Variants in GPC3 observed in about 807,000 individuals in gnomAD.
GPC3 encodes glypican-3.
GPC3 carries 3 observed loss-of-function variants against 34.4 expected under a neutral mutation model. The observed-to-expected ratio is 0.09, with a 90% confidence interval of 0.04 to 0.23. The LOEUF (loss-of-function observed/expected upper bound fraction) is 0.23, where lower values mean the gene tolerates loss of function less well. Ranked by LOEUF, GPC3 falls within the 10% of genes least tolerant of loss-of-function variation. GPC3 has a pLI of 1.00. For synonymous variants in GPC3, 177 were observed against 174.0 expected, an observed-to-expected ratio of 1.02 and a Z score of -0.13; for missense variants, 351 against 445.6, an observed-to-expected ratio of 0.79 and a Z score of 1.91.
intron 2 of GPC3, among the ~76,000 whole-genome samples, chrX:133,862,260 C>T (rs531146744): frequency 7.2e-5 from 8 of 110,526 alleles, no homozygotes; most frequent in South Asian, 7.7e-4. Context: ...CAGAAAGATG[C>T]GTAAATATGT....
chrX:133,701,206 C>A (rs963017019), intron 3 of GPC3, among the ~76,000 whole-genome samples: 1 of 111,342 alleles, frequency 9.0e-6, no homozygotes, highest in Non-Finnish European at 1.9e-5. Context: ...CTACTTTTTT[C>A]ACTTTCAAGC....
At chrX:133,771,377 G>A (rs752811180) in intron 2 of GPC3, among the ~76,000 whole-genome samples, 7 of 112,459 alleles carry the variant, frequency 6.2e-5, no homozygotes, top group South Asian at 3.7e-4. Context: ...TAATGAGGTC[G>A]TCTGATCCTG....
intron 6 of GPC3, among the ~76,000 whole-genome samples, chrX:133,638,727 G>T (rs768380556): frequency 9.1e-6 from 1 of 109,381 alleles, no homozygotes; most frequent in Non-Finnish European, 1.9e-5. Flanking sequence ...TAAATCAGGG[G>T]TGTACAATCT....
At chrX:133,859,594 G>C (rs2075925766) in intron 2 of GPC3, among the ~76,000 whole-genome samples, 1 of 111,758 alleles carries the variant, frequency 8.9e-6, no homozygotes, top group Admixed American at 9.5e-5. Context: ...ACAAGGACGA[G>C]TCTGGGCAGG....
chrX:133,806,900 G>A (rs1046088320), intron 2 of GPC3, among the ~76,000 whole-genome samples: 5 of 110,964 alleles, frequency 4.5e-5, no homozygotes, highest in African/African-American at 1.3e-4. Flanking sequence ...CATCCACCTC[G>A]GCCTCCCAAA....
chrX:133,956,442 G>A (rs1373885117), intron 1 of GPC3, among the ~76,000 whole-genome samples: 1 of 111,438 alleles, frequency 9.0e-6, no homozygotes, highest in Non-Finnish European at 1.9e-5. Context: ...AGTCTCCTTG[G>A]GTAAGAGTAG....
chrX:133,579,070 G>A (rs1003630742), intron 7 of GPC3, among the ~76,000 whole-genome samples: 14 of 111,039 alleles, frequency 1.3e-4, no homozygotes, highest in South Asian at 3.9e-4. Flanking sequence ...CAGAACCACC[G>A]TGCTCTTTCT....
intron 7 of GPC3, among the ~76,000 whole-genome samples, chrX:133,574,349 GAA>G (rs756970000): frequency 2.3e-4 from 25 of 108,228 alleles, no homozygotes; most frequent in African/African-American, 4.0e-4. Context: ...AAGCTATTGA[GAA>G]AAAAAGAGAG....
chrX:133,792,049 T>C (rs1451648748), intron 2 of GPC3, among the ~76,000 whole-genome samples: 1 of 108,584 alleles, frequency 9.2e-6, no homozygotes, highest in African/African-American at 3.4e-5. Context: ...TCTGGTTAAT[T>C]TTTGTATTTT....
intron 2 of GPC3, among the ~76,000 whole-genome samples, chrX:133,820,724 C>T (rs960358834): frequency 2.7e-5 from 3 of 111,979 alleles, no homozygotes; most frequent in Non-Finnish European, 3.8e-5. Context: ...GATACTCTCA[C>T]GTACTTTCTT....
chrX:133,883,407 C>T (rs907652146), intron 2 of GPC3, among the ~76,000 whole-genome samples: 1 of 111,708 alleles, frequency 9.0e-6, no homozygotes, highest in African/African-American at 3.3e-5. Context: ...TTGTAGTAGA[C>T]ATTTAAATAA....
rs187392952 is a variant in GPC3, at chrX:133,910,215, G to A, written c.337+42835C>T. 3.1e-3 allele frequency among the ~76,000 whole-genome samples: 344 copies of A among 110,436 alleles called. 2 individuals carry two copies. Among genetic ancestry groups the A allele is most frequent in the Non-Finnish European group, 5.5e-3 (291 of 52,804 alleles). On this transcript the variant is annotated intron_variant, in intron 2 of 7. Transcript: ENST00000370818. ...GGGGATGAGGTGAAACTGAGGGCTGGGGCATGTCTGTCTGTTTTGCACATT... is the reference window on the plus strand; with the variant it reads ...GGGGATGAGGTGAAACTGAGGGCTGAGGCATGTCTGTCTGTTTTGCACATT...
At chrX:133,930,117 A>C (rs895660736) in intron 2 of GPC3, among the ~76,000 whole-genome samples, 4 of 112,017 alleles carry the variant, frequency 3.6e-5, no homozygotes, top group Non-Finnish European at 7.5e-5. Context: ...AAAATTAAAG[A>C]GAACTAGATT....
intron 2 of GPC3, among the ~76,000 whole-genome samples, chrX:133,884,876 C>G (rs936699420): frequency 8.9e-6 from 1 of 111,865 alleles, no homozygotes; most frequent in African/African-American, 3.2e-5. Flanking sequence ...AGTCACACGA[C>G]TAATCACAAA....
At chrX:133,651,373 G>A (rs1255818456) in intron 6 of GPC3, among the ~76,000 whole-genome samples, 3 of 110,250 alleles carry the variant, frequency 2.7e-5, no homozygotes, top group Non-Finnish European at 5.7e-5. Flanking sequence ...ACAACATCAA[G>A]AGAGTTGCCA....
chrX:133,610,978 AG>A (rs2070104599), intron 6 of GPC3, among the ~76,000 whole-genome samples: 1 of 108,458 alleles, frequency 9.2e-6, no homozygotes, highest in Admixed American at 1.0e-4. Context: ...GACAATAGAT[AG>A]TAAAGCCTTT....
chrX:133,669,815 A>G (rs1196959713), intron 5 of GPC3, among the ~76,000 whole-genome samples: 1 of 112,206 alleles, frequency 8.9e-6, no homozygotes, highest in African/African-American at 3.2e-5. Flanking sequence ...GCTATGTTGG[A>G]TGTTAGAAGT....
chrX:133,770,833 C>T (rs2071909452), intron 2 of GPC3, among the ~76,000 whole-genome samples: 1 of 112,253 alleles, frequency 8.9e-6, no homozygotes, highest in South Asian at 3.7e-4. Flanking sequence ...GAATCCACCT[C>T]GTAGCAGGAT....
At chrX:133,639,014 A>C (rs151128187) in intron 6 of GPC3, among the ~76,000 whole-genome samples, 2 of 111,143 alleles carry the variant, frequency 1.8e-5, no homozygotes, top group African/African-American at 6.5e-5. Flanking sequence ...TCAAATTTAT[A>C]ACTGCCCACT....
Sources: gnomAD v4.1 joint callset for allele counts (sites outside exome capture counted in the v4.1 genomes callset) on GRCh38, gnomAD v4.1.1 for gene constraint, MANE v1.5 for transcripts, NCBI Gene and HGNC (gene_info 2026-07-23, HGNC 2026-07-21) for gene names.